The following RSAD2 variants were observed in gnomAD, a reference collection of about 807,000 sequenced individuals.
The protein encoded by RSAD2 is S-adenosylmethionine-dependent nucleotide dehydratase RSAD2.
In RSAD2, 38 loss-of-function variants were observed where a neutral mutation model predicts 37.7. The ratio of observed to expected loss-of-function variants is 1.01; its 90% CI spans 0.78 to 1.32. The LOEUF is 1.32. RSAD2 is among the 40% of genes most tolerant of loss of function. The pLI is 0.00. For missense variants in RSAD2, 428 were observed against 437.5 expected, an observed-to-expected ratio of 0.98 and a Z score of 0.19; for synonymous variants, 163 against 157.4, an observed-to-expected ratio of 1.04 and a Z score of -0.27.
intron 4 of RSAD2, among the ~76,000 whole-genome samples, chr2:6,891,268 A>G (rs1187428856): frequency 6.6e-6 from 1 of 152,230 alleles, no homozygotes; most frequent in Non-Finnish European, 1.5e-5. Flanking sequence ...TACAAAATAA[A>G]ATATGAAGCA....
At chr2:6,867,438 G>A (rs1663120998) in intron 1 of RSAD2, among the ~76,000 whole-genome samples, 1 of 152,122 alleles carries the variant, frequency 6.6e-6, no homozygotes, top group Non-Finnish European at 1.5e-5. Context: ...AGTCAGATTG[G>A]GTTAGGGCCC....
At chr2:6,890,120 G>A in intron 3 of RSAD2, 56 bp from the exon 4 acceptor site, 2 of 1,577,778 alleles carry the variant, frequency 1.3e-6, no homozygotes, top group Non-Finnish European at 1.7e-6. Context: ...AGTGAGGTTT[G>A]GGGGAAAACA....
intron 4 of RSAD2, among the ~76,000 whole-genome samples, chr2:6,892,654 C>T (rs2103248836): frequency 6.6e-6 from 1 of 152,300 alleles, no homozygotes; most frequent in Admixed American, 6.5e-5. Flanking sequence ...CATCAAATCA[C>T]CTGGGATCTT....
At chr2:6,869,657 A>C (rs1663169818) in intron 1 of RSAD2, among the ~76,000 whole-genome samples, 1 of 152,246 alleles carries the variant, frequency 6.6e-6, no homozygotes, top group Non-Finnish European at 1.5e-5. Flanking sequence ...CATGCATATC[A>C]CACACAAAAA....
intron 1 of RSAD2, among the ~76,000 whole-genome samples, chr2:6,881,184 A>ACAC (rs1354074792): frequency 6.6e-6 from 1 of 152,106 alleles, no homozygotes; most frequent in Non-Finnish European, 1.5e-5. Flanking sequence ...TCACATCACC[A>ACAC]CACTTCTTAG....
At position 6,877,845 on chromosome 2, in the gene RSAD2, TG is replaced by T. The variant is rs1558333819; in HGVS notation, c.46del (p.Val16CysfsTer6). Reference protein sequence around the residue: ...PAAFAGKLLSVFRQPLSSLWR... With the variant: ...PAAFAGKLLSXFRQPLSSLWR... Reference sequence around the variant, plus strand: ...CTGCTTTTGCTGGGAAGCTCTTGAGTGTGTTCAGGCAACCTCTGAGCTCTCT... The same window carrying T: ...CTGCTTTTGCTGGGAAGCTCTTGAGTTGTTCAGGCAACCTCTGAGCTCTCT... On this transcript the variant is annotated frameshift_variant, in exon 1 of 6. Coordinates refer to ENST00000382040, the MANE Select transcript of RSAD2 (RefSeq NM_080657.5). LOFTEE classifies it high-confidence loss of function. 1 of 1,613,694 alleles carries T rather than the reference TG, an allele frequency of 6.2e-7. No homozygotes were observed. The highest frequency in any genetic ancestry group is 1.1e-5 in the South Asian group (1 of 91,052).
At chr2:6,876,150 G>T (rs1195264358), upstream of RSAD2, among the ~76,000 whole-genome samples, 3 of 152,098 alleles carry the variant, frequency 2.0e-5, no homozygotes, top group East Asian at 1.9e-4. Flanking sequence ...AGATCTTAAG[G>T]CTAGCCAAAT....
At position 6,898,162 on chromosome 2, in the gene RSAD2, G is replaced by A. The variant is rs1163233929; in HGVS notation, c.*2220G>A. On this transcript the variant is annotated 3_prime_UTR_variant, in exon 6 of 6. Transcript: ENST00000382040. ...AGTTGGAATGAATTTTTTTCTAGCT[G>A]AGGGAAACTGTATTTTTCTTTCCCC... is the stretch of plus-strand genomic sequence containing the variant. The A allele has an allele frequency of 6.6e-6, 1 of 152,110 alleles. No homozygotes were observed. Among genetic ancestry groups the A allele is most frequent in the Non-Finnish European group, 1.5e-5 (1 of 68,010 alleles). 9.4% of individuals were successfully genotyped at this position (152,110 alleles called of 1,614,324 possible).
intron 1 of RSAD2, among the ~76,000 whole-genome samples, chr2:6,867,864 G>A (rs1663132557): frequency 6.6e-6 from 1 of 152,168 alleles, no homozygotes; most frequent in Admixed American, 6.5e-5. Context: ...TAACACTGCA[G>A]TATTTGGGCT....
At position 6,878,127 on chromosome 2, in the gene RSAD2, G is replaced by A; in HGVS notation, c.327G>A (p.Leu109=). 6.2e-7 allele frequency: 1 copy of A among 1,613,904 alleles called. No individual in the cohort carries two copies. The highest frequency in any genetic ancestry group is 1.1e-5 in the South Asian group (1 of 91,024). ...CCCTTGAGGAAGCAAAGAGAGGATT[G>A]CTTTTGCTTAAGGAAGCTGGTGAGT... The part of the protein sequence containing the change: ...VLPLEEAKRG[L]LLLKEAGMEK... Residue 109 remains leucine (L), a synonymous_variant, in exon 1 of 6, where the codon TTG becomes TTA. Transcript: ENST00000382040.
upstream of RSAD2, chr2:6,877,741 T>C (rs1558333733): frequency 7.6e-7 from 1 of 1,313,848 alleles, no homozygotes; most frequent in Admixed American, 2.3e-5. Context: ...CTGATTTCCA[T>C]CCCTATATAA....
intron 4 of RSAD2, 101 bp downstream of exon 4, chr2:6,890,426 AG>A: frequency 7.6e-7 from 1 of 1,314,830 alleles, no homozygotes; most frequent in Non-Finnish European, 1.1e-6. Flanking sequence ...GTTATTTTAG[AG>A]GGTTCGGTGG....
upstream of RSAD2, among the ~76,000 whole-genome samples, chr2:6,874,409 T>C (rs192290753): frequency 1.7e-3 from 253 of 152,330 alleles, 1 homozygote; most frequent in African/African-American, 5.9e-3. Flanking sequence ...GTTTAATGAT[T>C]GTATGCCACA....
chr2:6,891,753 G>A (rs1323186386), intron 4 of RSAD2, among the ~76,000 whole-genome samples: 1 of 152,082 alleles, frequency 6.6e-6, no homozygotes, highest in African/African-American at 2.4e-5. Context: ...GCGACAGAGC[G>A]AGACTCTGTC....
Position 6,878,130 on chromosome 2 carries a change from T to C in RSAD2, c.330T>C (p.Leu110=), listed in dbSNP as rs557016559. Residue 110 remains leucine, a synonymous_variant, in exon 1 of 6, where the codon CTT becomes CTC. Coordinates refer to ENST00000382040, the MANE Select transcript of RSAD2 (RefSeq NM_080657.5). ...LPLEEAKRGL[L]LLKEAGMEKI... is the part of the protein sequence containing the mutation. Reference sequence around the variant, plus strand: ...TTGAGGAAGCAAAGAGAGGATTGCTTTTGCTTAAGGAAGCTGGTGAGTACA... The same window carrying C: ...TTGAGGAAGCAAAGAGAGGATTGCTCTTGCTTAAGGAAGCTGGTGAGTACA... The C allele has an allele frequency of 4.3e-6, 7 of 1,613,790 alleles. No homozygotes were observed. In the East Asian group the frequency reaches 8.9e-5, roughly 21 times the overall value.
At chr2:6,868,325 G>A (rs1364874012) in intron 1 of RSAD2, among the ~76,000 whole-genome samples, 2 of 152,122 alleles carry the variant, frequency 1.3e-5, no homozygotes, top group Non-Finnish European at 2.9e-5. Context: ...ATGTTTCTAG[G>A]TAGTTTAATT....
chr2:6,891,638 G>C (rs1663633043), intron 4 of RSAD2, among the ~76,000 whole-genome samples: 1 of 152,100 alleles, frequency 6.6e-6, no homozygotes, highest in Non-Finnish European at 1.5e-5. Context: ...GTGGTTGCGG[G>C]CGCCTGTAGT....
chr2:6,888,046 C>T (rs1663557518), intron 3 of RSAD2, among the ~76,000 whole-genome samples: 1 of 152,188 alleles, frequency 6.6e-6, no homozygotes, highest in African/African-American at 2.4e-5. Context: ...TGGCTATGCT[C>T]TGAAAAATGG....
upstream of RSAD2, among the ~76,000 whole-genome samples, chr2:6,873,250 A>G (rs901371412): frequency 6.6e-6 from 1 of 152,322 alleles, no homozygotes; most frequent in Admixed American, 6.5e-5. Context: ...GAATTGTTCC[A>G]TGTAACCAGG....
Sources: gnomAD v4.1 joint callset for allele counts (sites outside exome capture counted in the v4.1 genomes callset) on GRCh38, gnomAD v4.1.1 for gene constraint, MANE v1.5 for transcripts, NCBI Gene and HGNC (gene_info 2026-07-23, HGNC 2026-07-21) for gene names.